The following TAS2R1 variants were observed in gnomAD, a reference collection of about 807,000 sequenced individuals.
TAS2R1 encodes taste receptor type 2 member 1.
For missense variants in TAS2R1, 370 were observed against 353.4 expected (o/e 1.05, Z -0.38); for synonymous variants, 141 against 134.2 (o/e 1.05, Z -0.35).
the TAS2R1 span, among the ~76,000 whole-genome samples, chr5:9,850,687 C>A: frequency 6.6e-6 from 1 of 152,314 alleles, no homozygotes; most frequent in African/African-American, 2.4e-5. Context: ...CCTGCCCCAT[C>A]CCCCACAGGC....
the TAS2R1 span, among the ~76,000 whole-genome samples, chr5:9,764,625 A>G: frequency 3.3e-5 from 5 of 152,366 alleles, no homozygotes; most frequent in Middle Eastern, 3.4e-3. Context: ...AGAAGCATAT[A>G]TGTAAACATT....
the TAS2R1 span, among the ~76,000 whole-genome samples, chr5:9,786,420 TAAGTCC>T: frequency 6.6e-6 from 1 of 152,202 alleles, no homozygotes; most frequent in Non-Finnish European, 1.5e-5. Context: ...ACAAAGTAAC[TAAGTCC>T]CATCACAGTA....
chr5:9,718,530 G>A, the TAS2R1 span, among the ~76,000 whole-genome samples: 8 of 149,160 alleles, frequency 5.4e-5, no homozygotes, highest in South Asian at 2.3e-4. Context: ...GCTCACACCT[G>A]TAATCCCAAC....
At chr5:9,883,637 C>A in the TAS2R1 span, among the ~76,000 whole-genome samples, 1 of 152,188 alleles carries the variant, frequency 6.6e-6, no homozygotes, top group Non-Finnish European at 1.5e-5. Context: ...TGATATGTAA[C>A]AAGCTTCACC....
the TAS2R1 span, among the ~76,000 whole-genome samples, chr5:9,793,590 C>T: frequency 1.2e-4 from 19 of 152,112 alleles, no homozygotes; most frequent in African/African-American, 1.9e-4. Flanking sequence ...GCAGGTGCTC[C>T]GCTGCAGTTC....
chr5:9,753,816 A>C, the TAS2R1 span, among the ~76,000 whole-genome samples: 1 of 152,120 alleles, frequency 6.6e-6, no homozygotes, highest in South Asian at 2.1e-4. Context: ...TCGTTTCTCC[A>C]TTTCTTGTTT....
chr5:9,745,058 A>T, the TAS2R1 span, among the ~76,000 whole-genome samples: 2 of 152,208 alleles, frequency 1.3e-5, no homozygotes, highest in Non-Finnish European at 2.9e-5. Flanking sequence ...CTGTGGGTAC[A>T]TTGAAGAGAA....
At chr5:9,841,672 T>G in the TAS2R1 span, among the ~76,000 whole-genome samples, 6 of 152,240 alleles carry the variant, frequency 3.9e-5, no homozygotes, top group Non-Finnish European at 7.3e-5. Context: ...CTTTCTGTTC[T>G]TGCTGGTGGT....
At chr5:9,652,735 A>G (rs1740331625) in intron 2 of TAS2R1, among the ~76,000 whole-genome samples, 3 of 152,322 alleles carry the variant, frequency 2.0e-5, no homozygotes, top group Middle Eastern at 6.8e-3. Flanking sequence ...TTCATTTTCT[A>G]AAAGATTACA....
At chr5:9,719,393 T>G in the TAS2R1 span, among the ~76,000 whole-genome samples, 1 of 152,220 alleles carries the variant, frequency 6.6e-6, no homozygotes, top group East Asian at 1.9e-4. Context: ...TAAAATTTGT[T>G]TTAACAAAAA....
intron 2 of TAS2R1, among the ~76,000 whole-genome samples, chr5:9,639,001 A>G (rs1044772948): frequency 2.0e-5 from 3 of 151,986 alleles, no homozygotes; most frequent in Non-Finnish European, 2.9e-5. Flanking sequence ...GACCATGCGC[A>G]CCCCACTGGG....
chr5:9,808,006 C>G, the TAS2R1 span, among the ~76,000 whole-genome samples: 7 of 152,100 alleles, frequency 4.6e-5, no homozygotes, highest in East Asian at 1.4e-3. Context: ...CTCTAAAAAT[C>G]TCCTTAAAAT....
chr5:9,805,245 G>C, the TAS2R1 span, among the ~76,000 whole-genome samples: 1 of 151,948 alleles, frequency 6.6e-6, no homozygotes, highest in East Asian at 1.9e-4. Flanking sequence ...GATTGAAATG[G>C]TAATTTAAAA....
the TAS2R1 span, among the ~76,000 whole-genome samples, chr5:9,771,901 T>C: frequency 1.2e-4 from 19 of 152,114 alleles, no homozygotes; most frequent in South Asian, 4.1e-4. Flanking sequence ...TTCTCTTTTT[T>C]TCTTCATCTG....
the TAS2R1 span, among the ~76,000 whole-genome samples, chr5:9,786,218 G>A: frequency 6.6e-6 from 1 of 152,168 alleles, no homozygotes; most frequent in Admixed American, 6.5e-5. Flanking sequence ...GGAGGACAGT[G>A]GTGACCTATT....
the TAS2R1 span, among the ~76,000 whole-genome samples, chr5:9,797,021 T>C: frequency 2.2e-4 from 34 of 152,146 alleles, no homozygotes; most frequent in African/African-American, 8.0e-4. Context: ...TGGAGCCACA[T>C]GTTCTGCCCT....
the TAS2R1 span, among the ~76,000 whole-genome samples, chr5:9,814,052 C>G: frequency 6.6e-6 from 1 of 152,110 alleles, no homozygotes; most frequent in East Asian, 1.9e-4. Context: ...TCTTTCCAAC[C>G]CAGGCACAAT....
intron 1 of TAS2R1, among the ~76,000 whole-genome samples, chr5:9,707,544 G>A (rs907405284): frequency 2.6e-5 from 4 of 152,134 alleles, no homozygotes; most frequent in Non-Finnish European, 2.9e-5. Flanking sequence ...TTAGCCGGGC[G>A]TGGTGGTGTG....
At chr5:9,827,854 C>T in the TAS2R1 span, among the ~76,000 whole-genome samples, 4 of 152,124 alleles carry the variant, frequency 2.6e-5, no homozygotes, top group African/African-American at 9.7e-5. Context: ...CCAGCAATTC[C>T]TTATTATCAC....
Sources: allele counts gnomAD v4.1 joint callset (sites outside exome capture counted in the v4.1 genomes callset), GRCh38; gene constraint gnomAD v4.1.1; transcripts MANE v1.5; gene names NCBI Gene and HGNC (gene_info 2026-07-23, HGNC 2026-07-21).